The following KIAA1217 variants were observed in gnomAD, a reference collection of about 807,000 sequenced individuals.
KIAA1217 encodes KIAA1217.
In KIAA1217, 88 loss-of-function variants were observed where a neutral mutation model predicts 163.9. That is an observed-to-expected ratio of 0.54 (90% CI 0.45 to 0.64). KIAA1217 has a LOEUF of 0.64. Among genes scored for constraint, KIAA1217 ranks in the 30% least tolerant of loss-of-function variants. KIAA1217 has a pLI of 0.00. For missense variants in KIAA1217, 2,372 were observed against 2,475.0 expected, an observed-to-expected ratio of 0.96 and a Z score of 0.88; for synonymous variants, 903 against 923.1, an observed-to-expected ratio of 0.98 and a Z score of 0.39.
At chr10:24,334,438 T>TGGAAGGAAGGAAGGAAGGAA (rs60016533) in intron 2 of KIAA1217, among the ~76,000 whole-genome samples, 100 of 82,284 alleles carry the variant, frequency 1.2e-3, no homozygotes, top group East Asian at 0.011. Flanking sequence ...GAGGGAAGGA[T>TGGAAGGAAGGAAGGAAGGAA]GGAAGGAAGG....
chr10:24,402,395 A>G (rs967041606), intron 3 of KIAA1217, among the ~76,000 whole-genome samples: 3 of 151,742 alleles, frequency 2.0e-5, no homozygotes, highest in Non-Finnish European at 4.4e-5. Context: ...TGTAGTCCCA[A>G]CTACTCAGGA....
chr10:23,986,568 C>G (rs1413575095), intron 1 of KIAA1217, among the ~76,000 whole-genome samples: 2 of 151,976 alleles, frequency 1.3e-5, no homozygotes, highest in Non-Finnish European at 2.9e-5. Context: ...TATGACTGTA[C>G]TGCTATTTTT....
intron 2 of KIAA1217, among the ~76,000 whole-genome samples, chr10:24,126,071 T>C (rs1292415752): frequency 1.3e-5 from 2 of 152,186 alleles, no homozygotes; most frequent in Non-Finnish European, 1.5e-5. Context: ...ACCATATATT[T>C]AATGAATTCT....
intron 2 of KIAA1217, among the ~76,000 whole-genome samples, chr10:24,181,782 A>G (rs1261704897): frequency 2.6e-5 from 4 of 152,042 alleles, no homozygotes; most frequent in Non-Finnish European, 5.9e-5. Flanking sequence ...TTTTTGGGTG[A>G]GAGAAAGGGA....
intron 2 of KIAA1217, among the ~76,000 whole-genome samples, chr10:24,029,270 C>A (rs74123605): frequency 6.6e-6 from 1 of 152,042 alleles, no homozygotes; most frequent in African/African-American, 2.4e-5. Context: ...AACATCAAAC[C>A]TTTCTTTACA....
At chr10:24,500,589 G>A (rs530758472) in intron 8 of KIAA1217, among the ~76,000 whole-genome samples, 1 of 152,114 alleles carries the variant, frequency 6.6e-6, no homozygotes, top group East Asian at 1.9e-4. Flanking sequence ...AAATCTGAAG[G>A]GATTCAGGAC....
chr10:23,952,487 C>G (rs1844383021), intron 1 of KIAA1217, among the ~76,000 whole-genome samples: 1 of 152,162 alleles, frequency 6.6e-6, no homozygotes, highest in African/African-American at 2.4e-5. Context: ...CTGAATGCTT[C>G]AAACAGGCAA....
chr10:24,338,163 C>G (rs2046633231), intron 2 of KIAA1217, among the ~76,000 whole-genome samples: 1 of 152,128 alleles, frequency 6.6e-6, no homozygotes, highest in Admixed American at 6.5e-5. Context: ...TAGTTTATGT[C>G]CCAATGTGGA....
At chr10:24,052,602 T>C (rs891670764) in intron 2 of KIAA1217, among the ~76,000 whole-genome samples, 6 of 132,942 alleles carry the variant, frequency 4.5e-5, no homozygotes, top group South Asian at 4.7e-4. Flanking sequence ...GCTTCCAACT[T>C]TTAGTTTTCA....
intron 1 of KIAA1217, among the ~76,000 whole-genome samples, chr10:23,921,093 T>A (rs1228597805): frequency 6.6e-6 from 1 of 152,206 alleles, no homozygotes; most frequent in Admixed American, 6.5e-5. Flanking sequence ...GTTTCTTCAT[T>A]GCAGTGTGAA....
At chr10:24,508,394 G>A (rs183106221) in intron 9 of KIAA1217, among the ~76,000 whole-genome samples, 1 of 152,128 alleles carries the variant, frequency 6.6e-6, no homozygotes, top group Admixed American at 6.5e-5. Flanking sequence ...CATAGTTAAT[G>A]GTGAAACACT....
At chr10:24,500,449 T>A (rs2133940508) in intron 8 of KIAA1217, among the ~76,000 whole-genome samples, 1 of 152,064 alleles carries the variant, frequency 6.6e-6, no homozygotes, top group East Asian at 1.9e-4. Context: ...ATCCAGCCTC[T>A]ACTCCAGGTA....
At chr10:24,133,102 A>G (rs889446040) in intron 2 of KIAA1217, among the ~76,000 whole-genome samples, 1 of 152,084 alleles carries the variant, frequency 6.6e-6, no homozygotes, top group African/African-American at 2.4e-5. Flanking sequence ...CAGGAGAGAA[A>G]ACCTTTAAGT....
chr10:24,008,848 A>T (rs1293277389), intron 2 of KIAA1217, among the ~76,000 whole-genome samples: 3 of 152,124 alleles, frequency 2.0e-5, no homozygotes, highest in Non-Finnish European at 2.9e-5. Context: ...AGTCAATATG[A>T]TGTGTGTATT....
In KIAA1217 at chr10:24,099,386, C is replaced by G. The variant is rs564171753; in HGVS notation, c.-171+92012C>G. Among the ~76,000 whole-genome samples the G allele has an allele frequency of 4.6e-5, 7 of 151,358 alleles. No homozygotes were observed. In the South Asian group the frequency reaches 1.3e-3, roughly 27 times the overall value. On this transcript the variant is annotated intron_variant, in intron 2 of 18. Transcript: ENST00000376462. ...TGAGTGAAGTTCCCCTTCCTGTGAC[C>G]AAGTGTTCTCATTGTTCAATTCCCA...
At chr10:24,097,997 G>A (rs527769646) in intron 2 of KIAA1217, among the ~76,000 whole-genome samples, 1 of 152,070 alleles carries the variant, frequency 6.6e-6, no homozygotes, top group East Asian at 2.0e-4. Flanking sequence ...CTCCTTTTCT[G>A]CTTGCATGCC....
At chr10:24,139,351 T>A (rs1337555548) in intron 2 of KIAA1217, among the ~76,000 whole-genome samples, 1 of 152,184 alleles carries the variant, frequency 6.6e-6, no homozygotes, top group Non-Finnish European at 1.5e-5. Flanking sequence ...TGGTGTGTGG[T>A]ACTTTTTTTG....
intron 1 of KIAA1217, among the ~76,000 whole-genome samples, chr10:23,845,100 G>T (rs189107368): frequency 6.8e-4 from 103 of 152,272 alleles, no homozygotes; most frequent in African/African-American, 2.4e-3. Context: ...GTATTCCGTG[G>T]TATATATGTG....
rs1413433231 is a variant in KIAA1217, at chr10:24,297,525, C to T, written c.354+77616C>T. On this transcript the variant is annotated intron_variant, in intron 2 of 20. Transcript: ENST00000376454. The stretch of plus-strand genomic sequence containing the variant: ...CAGCACTTTGGGAGGCCAAGGCAGG[C>T]GGATCACCTGAGGTCAGGTCAGGAG... Among the ~76,000 whole-genome samples the T allele has an allele frequency of 4.6e-5, 7 of 152,208 alleles. No individual in the cohort carries two copies. In the East Asian group the frequency reaches 1.4e-3, roughly 29 times the overall value.
Sources: gnomAD v4.1 joint callset for allele counts (sites outside exome capture counted in the v4.1 genomes callset) on GRCh38, gnomAD v4.1.1 for gene constraint, MANE v1.5 for transcripts, NCBI Gene and HGNC (gene_info 2026-07-23, HGNC 2026-07-21) for gene names.